The following SDCCAG8 variants were observed in gnomAD, a reference collection of about 807,000 sequenced individuals.
SDCCAG8 encodes SHH signaling and ciliogenesis regulator SDCCAG8.
SDCCAG8 carries 74 observed loss-of-function variants against 101.8 expected under a neutral mutation model. That is an observed-to-expected ratio of 0.73 (90% confidence interval 0.60 to 0.88). The LOEUF is 0.88. SDCCAG8 is among the 40% of genes least tolerant of loss of function. The pLI is 0.00. For missense variants in SDCCAG8, 787 were observed against 822.6 expected, an observed-to-expected ratio of 0.96 and a Z score of 0.53; for synonymous variants, 281 against 292.9, an observed-to-expected ratio of 0.96 and a Z score of 0.41.
intron 12 of SDCCAG8, among the ~76,000 whole-genome samples, chr1:243,345,480 A>T (rs2075648443): frequency 6.6e-6 from 1 of 152,184 alleles, no homozygotes; most frequent in African/African-American, 2.4e-5. Flanking sequence ...GGCGTGCCTG[A>T]TAGTGGAATG....
At position 243,477,018 on chromosome 1, in the gene SDCCAG8, A is replaced by ACACG. The variant is rs1553374859; in HGVS notation, c.1986-11993_1986-11992insGCAC. 7.7e-3 allele frequency among the ~76,000 whole-genome samples: 1,112 copies of ACACG among 144,036 alleles called. 11 individuals are homozygous for ACACG. Among genetic ancestry groups the ACACG allele is most frequent in the African/African-American group, 0.023 (850 of 36,766 alleles). The allele number at this position is 144,036 out of a possible 152,430, so 94.5% of individuals were successfully genotyped here. A position where few individuals can be genotyped will look rare whatever the true frequency, so the allele number is the denominator to read the frequency against. ...GTTCTGTACACACACACACACACAC[A>ACACG]CACACACACACACACAGAGAGAAAG... On this transcript the variant is annotated intron_variant, in intron 16 of 17. Transcript: ENST00000366541.
intron 10 of SDCCAG8, among the ~76,000 whole-genome samples, chr1:243,334,266 G>T (rs965933165): frequency 6.6e-6 from 1 of 152,128 alleles, no homozygotes; most frequent in Admixed American, 6.5e-5. Context: ...CCAAACTGCA[G>T]CTGGGATGAT....
At chr1:243,281,704 C>T (rs557505176) in intron 4 of SDCCAG8, among the ~76,000 whole-genome samples, 40 of 135,128 alleles carry the variant, frequency 3.0e-4, no homozygotes, top group Non-Finnish European at 5.4e-4. Flanking sequence ...TAGGCAGTGA[C>T]GTAATCAAAG....
At chr1:243,329,958 G>A (rs1019788691) in intron 9 of SDCCAG8, among the ~76,000 whole-genome samples, 3 of 152,014 alleles carry the variant, frequency 2.0e-5, no homozygotes, top group Non-Finnish European at 4.4e-5. Context: ...TTTAACTTAC[G>A]ATTATTACAT....
At chr1:243,316,618 G>A in intron 8 of SDCCAG8, 137 bp from the exon 9 acceptor site, 2 of 1,000,848 alleles carry the variant, frequency 2.0e-6, no homozygotes, top group African/African-American at 1.6e-5. Flanking sequence ...CTTTCTCTGG[G>A]GTGTGCTTTA....
chr1:243,376,507 C>G (rs1013434357), intron 12 of SDCCAG8, among the ~76,000 whole-genome samples: 2 of 152,152 alleles, frequency 1.3e-5, no homozygotes, highest in African/African-American at 4.8e-5. Context: ...CTAATTTGTA[C>G]TTAAAACCTA....
intron 16 of SDCCAG8, among the ~76,000 whole-genome samples, chr1:243,480,640 T>TGG (rs1663449332): frequency 1.3e-3 from 7 of 5,210 alleles, no homozygotes; most frequent in African/African-American, 4.7e-3. Context: ...TGGATGGGTG[T>TGG]GATGGATGGA....
chr1:243,478,307 A>G (rs1662815294), intron 16 of SDCCAG8, among the ~76,000 whole-genome samples: 1 of 152,250 alleles, frequency 6.6e-6, no homozygotes, highest in South Asian at 2.1e-4. Flanking sequence ...TACTACAGAC[A>G]GGCTGCCTGA....
At chr1:243,410,740 C>T (rs545099321) in intron 13 of SDCCAG8, among the ~76,000 whole-genome samples, 3 of 152,272 alleles carry the variant, frequency 2.0e-5, no homozygotes, top group South Asian at 4.1e-4. Flanking sequence ...TGCTCTGTGA[C>T]ATGAACATTT....
intron 12 of SDCCAG8, among the ~76,000 whole-genome samples, chr1:243,375,471 A>G (rs900753859): frequency 1.3e-5 from 2 of 152,190 alleles, no homozygotes; most frequent in African/African-American, 4.8e-5. Context: ...ATAAATGAAC[A>G]GCATCAAGTC....
intron 17 of SDCCAG8, among the ~76,000 whole-genome samples, chr1:243,496,733 T>G (rs1051676680): frequency 4.6e-5 from 7 of 152,180 alleles, no homozygotes; most frequent in African/African-American, 1.7e-4. Flanking sequence ...CACAGTGTGG[T>G]TGCCTGGGGA....
chr1:243,320,064 C>G (rs1427085359), intron 9 of SDCCAG8, among the ~76,000 whole-genome samples: 1 of 152,174 alleles, frequency 6.6e-6, no homozygotes, highest in African/African-American at 2.4e-5. Flanking sequence ...CACATTCACT[C>G]TCCCAAATCT....
chr1:243,309,078 C>T (rs993974775), intron 8 of SDCCAG8, among the ~76,000 whole-genome samples: 1 of 152,186 alleles, frequency 6.6e-6, no homozygotes, highest in Non-Finnish European at 1.5e-5. Flanking sequence ...TCAACAAATT[C>T]CTTTTCTTCT....
chr1:243,466,162 A>G (rs149793387), intron 16 of SDCCAG8, among the ~76,000 whole-genome samples: 258 of 152,360 alleles, frequency 1.7e-3, no homozygotes, highest in African/African-American at 5.9e-3. Context: ...CACCCAAAGG[A>G]TGGCAATTTA....
chr1:243,321,765 C>T (rs1410559316), intron 9 of SDCCAG8, among the ~76,000 whole-genome samples: 2 of 152,168 alleles, frequency 1.3e-5, no homozygotes, highest in Non-Finnish European at 2.9e-5. Context: ...TCTTCTGTCT[C>T]AGCCTCCCGA....
At chr1:243,426,282 A>C (rs1242163784) in intron 15 of SDCCAG8, 145 bp from the exon 16 acceptor site, 1 of 721,266 alleles carries the variant, frequency 1.4e-6, no homozygotes, top group Non-Finnish European at 2.3e-6. Context: ...CATTTCTGAA[A>C]TATTTTCTTT....
intron 17 of SDCCAG8, among the ~76,000 whole-genome samples, chr1:243,494,033 C>G (rs967271025): frequency 1.3e-5 from 2 of 152,088 alleles, no homozygotes; most frequent in African/African-American, 2.4e-5. Flanking sequence ...TTCCAGGAGC[C>G]CTGGGGGCCT....
intron 9 of SDCCAG8, among the ~76,000 whole-genome samples, chr1:243,329,694 A>G (rs2074447698): frequency 6.6e-6 from 1 of 152,212 alleles, no homozygotes; most frequent in Non-Finnish European, 1.5e-5. Context: ...CAATCTGTGT[A>G]TGTAACTAAA....
intron 16 of SDCCAG8, among the ~76,000 whole-genome samples, chr1:243,455,300 C>T (rs1574140169): frequency 2.0e-5 from 3 of 152,284 alleles, no homozygotes; most frequent in Non-Finnish European, 2.9e-5. Flanking sequence ...GATGGAATCT[C>T]GCTGTGTTGC....
Sources: gnomAD v4.1 joint callset for allele counts (sites outside exome capture counted in the v4.1 genomes callset) on GRCh38, gnomAD v4.1.1 for gene constraint, MANE v1.5 for transcripts, NCBI Gene and HGNC (gene_info 2026-07-23, HGNC 2026-07-21) for gene names.